Variants in DNAH6 observed in about 807,000 individuals in gnomAD.
DNAH6 encodes the protein axonemal beta dynein heavy chain 6.
In DNAH6, 340 loss-of-function variants were observed where a neutral mutation model predicts 491.4. The observed-to-expected ratio is 0.69, with a 90% CI of 0.63 to 0.76. The LOEUF (loss-of-function observed/expected upper bound fraction) is 0.76, where lower values mean the gene tolerates loss of function less well. Among genes scored for constraint, DNAH6 ranks in the 30% least tolerant of loss-of-function variants. The pLI is 0.00. For missense variants in DNAH6, 4,443 were observed against 4,972.2 expected, an observed-to-expected ratio of 0.89 and a Z score of 3.20; for synonymous variants, 1,603 against 1,686.1, an observed-to-expected ratio of 0.95 and a Z score of 1.21.
At chr2:84,804,968 C>T (rs550383948) in intron 70 of DNAH6, among the ~76,000 whole-genome samples, 4 of 152,078 alleles carry the variant, frequency 2.6e-5, no homozygotes, top group African/African-American at 9.6e-5. Flanking sequence ...TATACACCAC[C>T]ACACCCAGCT....
At chr2:84,619,641 T>C in intron 23 of DNAH6, 44 bp from the exon 24 acceptor site, 1 of 1,499,520 alleles carries the variant, frequency 6.7e-7, no homozygotes, top group Non-Finnish European at 9.1e-7. Flanking sequence ...TCTAAGACTT[T>C]ACTTCCATTT....
chr2:84,686,387 T>C, intron 43 of DNAH6, 97 bp from the exon 44 acceptor site: 1 of 710,340 alleles, frequency 1.4e-6, no homozygotes, highest in Non-Finnish European at 2.4e-6. Context: ...TTAAGTCTTC[T>C]AAGTAAAATG....
At chr2:84,642,140 CA>C in intron 33 of DNAH6, 86 bp downstream of exon 33, 1 of 938,754 alleles carries the variant, frequency 1.1e-6, no homozygotes, top group Non-Finnish European at 1.6e-6. Context: ...CTTTCTCTAA[CA>C]AGCTGAAAAC....
chr2:84,537,616 C>T (rs747071612), intron 4 of DNAH6, among the ~76,000 whole-genome samples: 1 of 151,974 alleles, frequency 6.6e-6, no homozygotes, highest in Non-Finnish European at 1.5e-5. Context: ...ATATGAAAGT[C>T]TTGTGAGTTT....
In DNAH6 at chr2:84,669,276, T is replaced by C; in HGVS notation, c.6085-13T>C. The C allele has an allele frequency of 6.5e-7, 1 of 1,544,268 alleles. No homozygotes were observed. Among genetic ancestry groups the C allele is most frequent in the South Asian group, 1.2e-5 (1 of 83,914 alleles). ...ATTCCCTATTGAAAGTGGTGTTTAA[T>C]TTTGTACTTTAGCTTCCCAATTCTG... On this transcript the variant is annotated splice_polypyrimidine_tract_variant and intron_variant, in intron 37 of 76. Transcript: ENST00000389394.
At chr2:84,672,267 GT>G in intron 39 of DNAH6, 59 bp from the exon 40 acceptor site, 1 of 1,502,748 alleles carries the variant, frequency 6.7e-7, no homozygotes, top group South Asian at 1.3e-5. Context: ...CCCTAGCTTT[GT>G]CTTACATTTT....
chr2:84,732,102 G>A (rs1335604266), intron 61 of DNAH6, among the ~76,000 whole-genome samples: 1 of 152,156 alleles, frequency 6.6e-6, no homozygotes, highest in Non-Finnish European at 1.5e-5. Flanking sequence ...GGTGTGGGGA[G>A]CCTCCACTAA....
chr2:84,681,276 C>T lies in DNAH6; in HGVS notation c.6745-81C>T, dbSNP rs1374748990. ...AATTTGGCTTTCTATTATTAGAAAACGTTATCATCCGGAGTATTTAAAAGA... is the reference window on the plus strand; with the variant it reads ...AATTTGGCTTTCTATTATTAGAAAATGTTATCATCCGGAGTATTTAAAAGA... On this transcript the variant is annotated intron_variant, in intron 41 of 76. Coordinates refer to ENST00000389394, the MANE Select transcript of DNAH6 (RefSeq NM_001370.2). 35 of 1,224,606 alleles carry T rather than the reference C, an allele frequency of 2.9e-5. No homozygotes were observed. In the South Asian group the frequency reaches 3.9e-4, roughly 14 times the overall value. 75.9% of individuals were successfully genotyped at this position (1,224,606 alleles called of 1,614,324 possible). A position where few individuals can be genotyped will look rare whatever the true frequency, so the allele number is the denominator to read the frequency against.
At chr2:84,592,029 G>T (rs1227437810) in intron 16 of DNAH6, among the ~76,000 whole-genome samples, 1 of 152,172 alleles carries the variant, frequency 6.6e-6, no homozygotes, top group Non-Finnish European at 1.5e-5. Context: ...ATTGGCCTTG[G>T]CTATGATTTC....
At chr2:84,683,263 A>T (rs1693960072) in intron 42 of DNAH6, among the ~76,000 whole-genome samples, 1 of 152,072 alleles carries the variant, frequency 6.6e-6, no homozygotes, top group African/African-American at 2.4e-5. Context: ...CCCAGTGCCT[A>T]ATCGGGCCTG....
intron 41 of DNAH6, 125 bp from the exon 42 acceptor site, chr2:84,681,232 C>A: frequency 1.3e-6 from 1 of 777,384 alleles, no homozygotes; most frequent in Non-Finnish European, 2.0e-6. Context: ...AGCTTTGATA[C>A]CAGAAGACTT....
chr2:84,690,458 A>G (rs1411880180), intron 45 of DNAH6, among the ~76,000 whole-genome samples: 2 of 152,208 alleles, frequency 1.3e-5, no homozygotes, highest in Admixed American at 6.5e-5. Flanking sequence ...GGCAGGCCCT[A>G]AGCCTACAAG....
chr2:84,771,429 A>G (rs546822854), intron 64 of DNAH6, among the ~76,000 whole-genome samples: 7 of 152,122 alleles, frequency 4.6e-5, no homozygotes, highest in Admixed American at 3.3e-4. Flanking sequence ...AATGGTCCAT[A>G]CTTCCCAAAT....
At chr2:84,718,518 TGC>T in intron 59 of DNAH6, 134 bp downstream of exon 59, 1 of 617,150 alleles carries the variant, frequency 1.6e-6, no homozygotes, top group Non-Finnish European at 2.5e-6. Flanking sequence ...CACAGACGGG[TGC>T]CTGCCTGTCA....
rs1343439001 is a variant in DNAH6, at chr2:84,816,073, C to G, written c.12363C>G (p.Leu4121=). 13 of 1,549,856 alleles carry G rather than the reference C, an allele frequency of 8.4e-6. No individual in the cohort carries two copies. The highest frequency in any genetic ancestry group is 1.1e-5 in the Non-Finnish European group (13 of 1,145,712). Residue 4121 remains leucine, a synonymous_variant, in exon 76 of 77, where the codon CTC becomes CTG. Transcript: ENST00000389394. The stretch of plus-strand genomic sequence containing the variant: ...AAACAGGAGCCCGGGCAGGAACACT[C>G]TCAACCACAGGTGAGGATGTTCTTA... ...LYKTGARAGT[L]STTGHSTNFV... is the part of the protein sequence containing the mutation.
At chr2:84,765,685 T>G (rs1252463992) in intron 64 of DNAH6, among the ~76,000 whole-genome samples, 1 of 152,030 alleles carries the variant, frequency 6.6e-6, no homozygotes, top group East Asian at 1.9e-4. Context: ...AAATGAAGTA[T>G]AGTAAACCAA....
chr2:84,697,164 G>T (rs1032051683), intron 46 of DNAH6, among the ~76,000 whole-genome samples: 1 of 152,140 alleles, frequency 6.6e-6, no homozygotes, highest in Non-Finnish European at 1.5e-5. Context: ...GCCTAAAATT[G>T]TTCTTATAAT....
At chr2:84,635,560 G>A (rs1256530009) in intron 30 of DNAH6, among the ~76,000 whole-genome samples, 1 of 152,128 alleles carries the variant, frequency 6.6e-6, no homozygotes, top group African/African-American at 2.4e-5. Flanking sequence ...ATCTGGCTGA[G>A]CAATTCACTG....
chr2:84,561,338 C>T (rs1167026432), intron 11 of DNAH6, among the ~76,000 whole-genome samples: 1 of 151,854 alleles, frequency 6.6e-6, no homozygotes, highest in African/African-American at 2.4e-5. Context: ...TAGCCATATG[C>T]AGAAAGCTGA....
Sources: allele counts gnomAD v4.1 joint callset (sites outside exome capture counted in the v4.1 genomes callset), GRCh38; gene constraint gnomAD v4.1.1; transcripts MANE v1.5; gene names NCBI Gene and HGNC (gene_info 2026-07-23, HGNC 2026-07-21).